The following ATG4C variants were observed in gnomAD, a reference collection of about 807,000 sequenced individuals.
ATG4C encodes autophagy related 4C cysteine peptidase.
In ATG4C, 56 loss-of-function variants were observed where a neutral mutation model predicts 57.6. The observed-to-expected ratio is 0.97, with a 90% CI of 0.78 to 1.21. ATG4C has a LOEUF of 1.21. ATG4C is among the 50% of genes most tolerant of loss of function. The pLI is 0.00. For synonymous variants in ATG4C, 157 were observed against 174.1 expected, an observed-to-expected ratio of 0.90 and a Z score of 0.78; for missense variants, 595 against 529.8, an observed-to-expected ratio of 1.12 and a Z score of -1.21.
intron 1 of ATG4C, among the ~76,000 whole-genome samples, chr1:62,789,830 TAAAAG>T (rs984223785): frequency 3.3e-5 from 5 of 151,468 alleles, no homozygotes; most frequent in African/African-American, 1.2e-4. Context: ...AAAAAAGAAA[TAAAAG>T]AAATGAAGAT....
At chr1:62,824,919 G>A (rs1490628135) in intron 6 of ATG4C, among the ~76,000 whole-genome samples, 5 of 151,932 alleles carry the variant, frequency 3.3e-5, no homozygotes, top group African/African-American at 9.7e-5. Flanking sequence ...TCCTCCTGCC[G>A]CAGCCTCCCA....
chr1:62,861,576 AACACAC>A lies in ATG4C; in HGVS notation c.1210-2370_1210-2365del, dbSNP rs57225222. 7.4e-3 allele frequency among the ~76,000 whole-genome samples: 983 copies of A among 133,536 alleles called. 7 individuals carry two copies. Among genetic ancestry groups the A allele is most frequent in the East Asian group, 0.015 (70 of 4,526 alleles). 87.6% of individuals were successfully genotyped at this position (133,536 alleles called of 152,430 possible). A position where few individuals can be genotyped will look rare whatever the true frequency, so the allele number is the denominator to read the frequency against. On this transcript the variant is annotated intron_variant, in intron 10 of 10. Coordinates refer to ENST00000317868, the MANE Select transcript of ATG4C (RefSeq NM_032852.4). ...CAGAAGAAAGAAGCTTGGAAAATAG[AACACAC>A]ACACACACACACACACACACACACA...
intron 10 of ATG4C, among the ~76,000 whole-genome samples, chr1:62,852,760 T>A (rs1185555169): frequency 6.6e-6 from 1 of 152,110 alleles, no homozygotes; most frequent in Non-Finnish European, 1.5e-5. Flanking sequence ...ATTTTTTTTT[T>A]TTCTAAATGT....
chr1:62,816,286 T>C (rs1379520593), intron 3 of ATG4C, among the ~76,000 whole-genome samples: 1 of 152,118 alleles, frequency 6.6e-6, no homozygotes, highest in Non-Finnish European at 1.5e-5. Flanking sequence ...GAGTTAATTA[T>C]GTATAGAATA....
chr1:62,805,302 T>G, intron 3 of ATG4C, 47 bp downstream of exon 3: 3 of 1,456,884 alleles, frequency 2.1e-6, no homozygotes, highest in Non-Finnish European at 2.7e-6. Context: ...GTAGAAATCA[T>G]CATGTAACTT....
intron 10 of ATG4C, among the ~76,000 whole-genome samples, chr1:62,857,090 C>T (rs1255128288): frequency 1.3e-5 from 2 of 152,122 alleles, no homozygotes; most frequent in African/African-American, 2.4e-5. Flanking sequence ...ACTTTTATGT[C>T]TGGCTCCTTA....
intron 10 of ATG4C, among the ~76,000 whole-genome samples, chr1:62,857,637 G>C (rs1217031868): frequency 6.6e-6 from 1 of 152,046 alleles, no homozygotes; most frequent in African/African-American, 2.4e-5. Flanking sequence ...TGAAAGGTTG[G>C]GGACTGCTGG....
At chr1:62,826,586 T>C (rs1665664468) in intron 6 of ATG4C, among the ~76,000 whole-genome samples, 1 of 145,942 alleles carries the variant, frequency 6.9e-6, no homozygotes, top group Non-Finnish European at 1.5e-5. Flanking sequence ...CACCATCATC[T>C]CTTTTTTTCT....
At chr1:62,837,430 T>C (rs900975084) in intron 9 of ATG4C, among the ~76,000 whole-genome samples, 9 of 152,078 alleles carry the variant, frequency 5.9e-5, no homozygotes, top group African/African-American at 1.9e-4. Flanking sequence ...GAAAATGAGG[T>C]TCAGAGGAGC....
At chr1:62,792,410 G>T (rs554427534) in intron 1 of ATG4C, among the ~76,000 whole-genome samples, 1 of 152,234 alleles carries the variant, frequency 6.6e-6, no homozygotes, top group African/African-American at 2.4e-5. Flanking sequence ...GAAAAGAGAA[G>T]ATTGGGGGAT....
intron 6 of ATG4C, among the ~76,000 whole-genome samples, chr1:62,828,690 G>A (rs186218909): frequency 1.3e-5 from 2 of 152,102 alleles, no homozygotes; most frequent in African/African-American, 2.4e-5. Flanking sequence ...CTTTTGTTGC[G>A]ATTGTTTTCG....
intron 10 of ATG4C, among the ~76,000 whole-genome samples, chr1:62,848,922 A>T (rs1572167630): frequency 6.6e-6 from 1 of 152,154 alleles, no homozygotes; most frequent in Non-Finnish European, 1.5e-5. Flanking sequence ...AACAGGATAC[A>T]TGTTTCTTAG....
chr1:62,861,530 C>T (rs370416109), intron 10 of ATG4C, among the ~76,000 whole-genome samples: 3 of 149,910 alleles, frequency 2.0e-5, no homozygotes, highest in Admixed American at 6.7e-5. Context: ...CCAGCCTGGA[C>T]GACAGAGTGA....
At chr1:62,793,269 T>C (rs1664345533) in intron 1 of ATG4C, among the ~76,000 whole-genome samples, 1 of 152,032 alleles carries the variant, frequency 6.6e-6, no homozygotes, top group Non-Finnish European at 1.5e-5. Context: ...GAAGGATTAA[T>C]GATAGCTTGT....
chr1:62,851,151 A>G (rs1666510371), intron 10 of ATG4C, among the ~76,000 whole-genome samples: 1 of 151,938 alleles, frequency 6.6e-6, no homozygotes, highest in Non-Finnish European at 1.5e-5. Flanking sequence ...TAGAAAATCT[A>G]CAGTGTGTTT....
chr1:62,835,763 C>T (rs1264571491), intron 9 of ATG4C, among the ~76,000 whole-genome samples: 2 of 152,016 alleles, frequency 1.3e-5, no homozygotes, highest in African/African-American at 4.8e-5. Flanking sequence ...CATCTGGAGG[C>T]CAGAGGTCAG....
At chr1:62,793,128 C>T (rs892484424) in intron 1 of ATG4C, among the ~76,000 whole-genome samples, 2 of 151,546 alleles carry the variant, frequency 1.3e-5, no homozygotes, top group Admixed American at 6.6e-5. Flanking sequence ...CCTCATGATT[C>T]GCCCGCCTCG....
intron 6 of ATG4C, among the ~76,000 whole-genome samples, chr1:62,825,515 C>A (rs192396628): frequency 3.9e-4 from 59 of 152,234 alleles, no homozygotes; most frequent in Non-Finnish European, 4.0e-4. Context: ...CTAAAAATGT[C>A]ATGTTTTAGT....
chr1:62,850,678 T>G (rs1175167623), intron 10 of ATG4C, among the ~76,000 whole-genome samples: 1 of 151,822 alleles, frequency 6.6e-6, no homozygotes, highest in Non-Finnish European at 1.5e-5. Flanking sequence ...ATTCTCATGG[T>G]TCTCTCCCTT....
Sources: gnomAD v4.1 joint callset for allele counts (sites outside exome capture counted in the v4.1 genomes callset) on GRCh38, gnomAD v4.1.1 for gene constraint, MANE v1.5 for transcripts, NCBI Gene and HGNC (gene_info 2026-07-23, HGNC 2026-07-21) for gene names.